CPNE9: variants seen among roughly 807,000 people sequenced by gnomAD.
CPNE9 encodes the protein copine-9.
CPNE9 carries 59 observed loss-of-function variants against 83.0 expected under a neutral mutation model. The observed-to-expected ratio is 0.71, with a 90% CI of 0.58 to 0.88. The LOEUF (loss-of-function observed/expected upper bound fraction) is 0.88. CPNE9 is among the 40% of genes least tolerant of loss of function. CPNE9 has a pLI of 0.00. For synonymous variants in CPNE9, 256 were observed against 273.4 expected (o/e 0.94, Z 0.63); for missense variants, 619 against 720.8 (o/e 0.86, Z 1.62).
chr3:9,712,528 T>C lies in CPNE9; in HGVS notation c.378-13T>C, dbSNP rs1575121543. 1.2e-6 allele frequency: 2 copies of C among 1,613,502 alleles called. No homozygotes were observed. Among genetic ancestry groups the C allele is most frequent in the African/African-American group, 1.3e-5 (1 of 75,032 alleles). ...CCTCCCTCCTCTCACTAAGAGGCTT[T>C]TTCTGCTTCCAGGGGTGTACCAGGC... On this transcript the variant is annotated splice_polypyrimidine_tract_variant and intron_variant, in intron 7 of 20. Coordinates refer to ENST00000383832, the MANE Select transcript of CPNE9 (RefSeq NM_153635.3).
Position 9,705,493 on chromosome 3 carries a change from C to T in CPNE9, c.290C>T (p.Ser97Phe), listed in dbSNP as rs748090409. 1.4e-6 allele frequency: 2 copies of T among 1,383,086 alleles called. No individual in the cohort carries two copies. The highest frequency in any genetic ancestry group is 1.5e-5 in the African/African-American group (1 of 67,186). 85.7% of individuals were successfully genotyped at this position (1,383,086 alleles called of 1,614,324 possible). The change falls in exon 5 of 21, where the codon TCC becomes TTC. Residue 97 changes from serine to phenylalanine, a missense_variant. Transcript: ENST00000383832. The part of the protein sequence containing the change: ...VYNVDSKTNI[S>F]KPKDFLGQAF... ...AACGTGGACTCCAAAACCAACATCTCCAAACCGGTGAGCAAACGTTTCCTC... is the reference window on the plus strand; with the variant it reads ...AACGTGGACTCCAAAACCAACATCTTCAAACCGGTGAGCAAACGTTTCCTC...
At chr3:9,707,065 C>A (rs2076571026) in intron 7 of CPNE9, among the ~76,000 whole-genome samples, 1 of 152,020 alleles carries the variant, frequency 6.6e-6, no homozygotes, top group Non-Finnish European at 1.5e-5. Context: ...TAAGAATAAA[C>A]CTTGGGGGCC....
At chr3:9,707,295 G>C (rs2076573716) in intron 7 of CPNE9, among the ~76,000 whole-genome samples, 2 of 144,400 alleles carry the variant, frequency 1.4e-5, no homozygotes, top group South Asian at 4.5e-4. Context: ...GGAGCTTGCA[G>C]TGAGCTGAGA....
chr3:9,719,725 G>A (rs1271717174), intron 17 of CPNE9, among the ~76,000 whole-genome samples: 1 of 152,108 alleles, frequency 6.6e-6, no homozygotes, highest in Admixed American at 6.5e-5. Context: ...CAGGTGTGGT[G>A]GCTCACACCT....
intron 20 of CPNE9, among the ~76,000 whole-genome samples, chr3:9,727,938 T>G (rs2076798411): frequency 6.6e-6 from 1 of 152,036 alleles, no homozygotes; most frequent in Admixed American, 6.6e-5. Flanking sequence ...AAAAGATATT[T>G]AAGAAGAAAA....
chr3:9,715,249 C>G lies in CPNE9; in HGVS notation c.693-40C>G, dbSNP rs1338425588. The G allele has an allele frequency of 7.5e-6, 12 of 1,592,596 alleles. No individual in the cohort carries two copies. In the South Asian group the frequency reaches 1.3e-4, roughly 18 times the overall value. The stretch of plus-strand genomic sequence containing the variant: ...ACTGGGTTCAGCTCTGGTTCCAAAC[C>G]AGCAGCACCTGCTGCTTAGCCACGC... On this transcript the variant is annotated intron_variant, in intron 11 of 20. Transcript: ENST00000383832.
chr3:9,717,950 T>A (rs755955660), intron 15 of CPNE9, 79 bp from the exon 16 acceptor site: 45 of 1,237,712 alleles, frequency 3.6e-5, no homozygotes, highest in Non-Finnish European at 3.8e-5. Context: ...TATAGGTGGA[T>A]GAATGCACAC....
In CPNE9 at chr3:9,703,905, C is replaced by G. The variant is rs997156116; in HGVS notation, c.-92C>G. ...GCAGCCGCCGCCGCCGCCGACACCG[C>G]GGCACATGGGCCGGCCCCGCCGCTG... is the stretch of plus-strand genomic sequence containing the variant. On this transcript the variant is annotated 5_prime_UTR_variant, in exon 1 of 21. Transcript: ENST00000383832. 1.2e-5 allele frequency: 13 copies of G among 1,086,846 alleles called. No homozygotes were observed. Among genetic ancestry groups the G allele is most frequent in the African/African-American group, 1.7e-5 (1 of 58,738 alleles). 67.3% of individuals were successfully genotyped at this position (1,086,846 alleles called of 1,614,324 possible).
intron 17 of CPNE9, among the ~76,000 whole-genome samples, chr3:9,718,834 C>CTTTTT (rs750687755): frequency 1.7e-5 from 2 of 117,622 alleles, no homozygotes; most frequent in Non-Finnish European, 3.5e-5. Flanking sequence ...GACCCCATCT[C>CTTTTT]TTTTTTTTTT....
At position 9,717,114 on chromosome 3, in the gene CPNE9, G is replaced by T. The variant is rs539124529; in HGVS notation, c.931+10G>T. 8.1e-6 allele frequency: 13 copies of T among 1,614,098 alleles called. No homozygotes were observed. In the South Asian group the frequency reaches 1.3e-4, roughly 16 times the overall value. On this transcript the variant is annotated intron_variant, in intron 15 of 20. Transcript: ENST00000383832. ...TTCACGGCTTCCAATGGTGAGACAC[G>T]GATGAGTGAAAAAGTCGGAGGTGGG...
rs71314361 is a variant in CPNE9 at position 9,725,967 on chromosome 3, T to C, written c.1260T>C (p.Ser420=). 5,664 of 1,613,444 alleles carry C rather than the reference T, an allele frequency of 3.5e-3. 23 individuals are homozygous for C. The highest frequency in any genetic ancestry group is 6.7e-3 in the South Asian group (608 of 91,074). The change falls in exon 18 of 21, where the codon TCT becomes TCC. Residue 420 remains serine, a synonymous_variant. Transcript: ENST00000383832. Reference sequence around the variant, plus strand: ...CATCCAGGGCTGCAGCCAAGATCTCTGATGGCTCCCAGTACTATGTTCTGC... The same window carrying C: ...CATCCAGGGCTGCAGCCAAGATCTCCGATGGCTCCCAGTACTATGTTCTGC... ...NQVARAAAKI[S]DGSQYYVLLI...
chr3:9,708,263 C>A (rs559678273), intron 7 of CPNE9, among the ~76,000 whole-genome samples: 217 of 152,092 alleles, frequency 1.4e-3, no homozygotes, highest in African/African-American at 5.0e-3. Flanking sequence ...TAGATGTTAA[C>A]TTTAAAGCCA....
intron 7 of CPNE9, among the ~76,000 whole-genome samples, chr3:9,709,275 C>CA (rs551334173): frequency 0.012 from 684 of 56,460 alleles, 4 homozygotes; most frequent in East Asian, 0.041. Context: ...GACTCCATCT[C>CA]AAAAAAAAAA....
At chr3:9,722,246 G>C (rs1046115030) in intron 17 of CPNE9, among the ~76,000 whole-genome samples, 1 of 146,320 alleles carries the variant, frequency 6.8e-6, no homozygotes, top group African/African-American at 2.6e-5. Flanking sequence ...AACTTTTAAA[G>C]CGCCTACCTT....
At position 9,727,197 on chromosome 3, in the gene CPNE9, C is replaced by T. The variant is rs775289971; in HGVS notation, c.1476+11C>T. ...CGGGACATCGTTCAGGTAGACCTGA[C>T]GTGGGAGAGGCTGTGGAGCTGAGAG... On this transcript the variant is annotated intron_variant, in intron 20 of 20. Coordinates refer to ENST00000383832, the MANE Select transcript of CPNE9 (RefSeq NM_153635.3). 36 of 1,613,936 alleles carry T rather than the reference C, an allele frequency of 2.2e-5. No homozygotes were observed. The African/African-American group carries it at 3.6e-4, about 16-fold the overall frequency.
At chr3:9,709,649 T>C (rs1192238227) in intron 7 of CPNE9, among the ~76,000 whole-genome samples, 1 of 151,596 alleles carries the variant, frequency 6.6e-6, no homozygotes, top group East Asian at 2.0e-4. Flanking sequence ...ATTACAGACG[T>C]GAGCTGCCAC....
At chr3:9,719,338 A>T (rs1382598083) in intron 17 of CPNE9, among the ~76,000 whole-genome samples, 1 of 152,104 alleles carries the variant, frequency 6.6e-6, no homozygotes, top group African/African-American at 2.4e-5. Flanking sequence ...GGGTGTCAGC[A>T]AATTACCCTA....
chr3:9,707,671 G>A (rs1302625313), intron 7 of CPNE9, among the ~76,000 whole-genome samples: 1 of 151,268 alleles, frequency 6.6e-6, no homozygotes, highest in Non-Finnish European at 1.5e-5. Flanking sequence ...TGTAGTCCCA[G>A]CTACTTGGGA....
intron 17 of CPNE9, among the ~76,000 whole-genome samples, chr3:9,724,705 G>C (rs1459368267): frequency 6.6e-6 from 1 of 150,738 alleles, no homozygotes; most frequent in African/African-American, 2.4e-5. Context: ...TTACCTGCTG[G>C]GTCACATCAG....
Sources: gnomAD v4.1 joint callset for allele counts (sites outside exome capture counted in the v4.1 genomes callset) on GRCh38, gnomAD v4.1.1 for gene constraint, MANE v1.5 for transcripts, NCBI Gene and HGNC (gene_info 2026-07-23, HGNC 2026-07-21) for gene names.